TRDN: variants seen among roughly 807,000 people sequenced by gnomAD.
The protein encoded by TRDN is triadin.
A neutral mutation model predicts 149.7 loss-of-function variants in TRDN; 161 were observed. The ratio of observed to expected loss-of-function variants is 1.08; its 90% CI spans 0.95 to 1.23. The LOEUF is 1.23. TRDN is among the 50% of genes most tolerant of loss of function. TRDN has a pLI of 0.00. For missense variants in TRDN, 896 were observed against 823.5 expected, an observed-to-expected ratio of 1.09 and a Z score of -1.08; for synonymous variants, 294 against 250.5, an observed-to-expected ratio of 1.17 and a Z score of -1.64.
At chr6:123,522,427 A>G (rs1046148390) in intron 5 of TRDN, among the ~76,000 whole-genome samples, 1 of 70,184 alleles carries the variant, frequency 1.4e-5, no homozygotes, top group Non-Finnish European at 3.0e-5. Flanking sequence ...ACAATAAACA[A>G]ACAACTACAT....
chr6:123,316,353 T>C, intron 24 of TRDN, 104 bp downstream of exon 24: 1 of 1,070,056 alleles, frequency 9.3e-7, no homozygotes, highest in Non-Finnish European at 1.4e-6. Flanking sequence ...ATGTTTTGGA[T>C]GTCTAAATAT....
At chr6:123,258,650 C>A (rs1311684690) in intron 35 of TRDN, among the ~76,000 whole-genome samples, 2 of 150,220 alleles carry the variant, frequency 1.3e-5, no homozygotes, top group African/African-American at 2.4e-5. Context: ...GCTGGCCTCA[C>A]AAAATGAGTT....
At chr6:123,387,769 G>T (rs1781963147) in intron 14 of TRDN, among the ~76,000 whole-genome samples, 1 of 152,084 alleles carries the variant, frequency 6.6e-6, no homozygotes, top group African/African-American at 2.4e-5. Flanking sequence ...TGGATCCTGT[G>T]AATGATGATT....
chr6:123,506,148 C>T (rs1778912216), intron 7 of TRDN, among the ~76,000 whole-genome samples: 1 of 152,088 alleles, frequency 6.6e-6, no homozygotes, highest in African/African-American at 2.4e-5. Context: ...GTCAACAGCA[C>T]CTCAATCTCA....
chr6:123,563,874 C>T lies in TRDN; in HGVS notation c.232+7049G>A, dbSNP rs572893405. Among the ~76,000 whole-genome samples, 150 of 152,248 alleles carry T rather than the reference C, an allele frequency of 9.9e-4. No individual in the cohort carries two copies. The Middle Eastern group carries it at 0.031, about 31-fold the overall frequency. Reference sequence around the variant, plus strand: ...CCAGGCTGGAGTGCAGTGGCGCAAGCTCAACTCAGTACAACATCCGCCTGC... The same window carrying T: ...CCAGGCTGGAGTGCAGTGGCGCAAGTTCAACTCAGTACAACATCCGCCTGC... On this transcript the variant is annotated intron_variant, in intron 2 of 40. Transcript: ENST00000334268.
chr6:123,571,183 A>G, intron 1 of TRDN, 51 bp from the exon 2 acceptor site: 1 of 1,582,776 alleles, frequency 6.3e-7, no homozygotes, highest in South Asian at 1.1e-5. Context: ...CATGGTAAAT[A>G]TTGATGATGA....
chr6:123,378,610 C>T (rs945565448), intron 16 of TRDN, among the ~76,000 whole-genome samples: 5 of 152,122 alleles, frequency 3.3e-5, no homozygotes, highest in Admixed American at 6.5e-5. Flanking sequence ...AGCCACAGCA[C>T]CGCAGCTTAT....
At chr6:123,343,848 C>T (rs1172517737) in intron 21 of TRDN, among the ~76,000 whole-genome samples, 2 of 151,970 alleles carry the variant, frequency 1.3e-5, no homozygotes, top group Non-Finnish European at 2.9e-5. Context: ...ACAGACTGAA[C>T]GTGTCCCTTC....
chr6:123,448,276 TC>T (rs1775522863), intron 10 of TRDN, among the ~76,000 whole-genome samples: 1 of 152,086 alleles, frequency 6.6e-6, no homozygotes, highest in Non-Finnish European at 1.5e-5. Context: ...GTGTGCAGAC[TC>T]CACAGGCAGG....
At chr6:123,585,564 T>C (rs568574935) in intron 1 of TRDN, among the ~76,000 whole-genome samples, 2 of 152,174 alleles carry the variant, frequency 1.3e-5, no homozygotes, top group Non-Finnish European at 2.9e-5. Context: ...CTTCAGCCGC[T>C]AAGCCAAGAA....
chr6:123,604,560 A>G (rs1022509452), intron 1 of TRDN, among the ~76,000 whole-genome samples: 11 of 152,216 alleles, frequency 7.2e-5, no homozygotes, highest in Non-Finnish European at 1.5e-4. Context: ...AGCTGGGCAC[A>G]GTAGTTGGGG....
At chr6:123,240,427 T>C (rs1460765617) in intron 38 of TRDN, among the ~76,000 whole-genome samples, 1 of 151,854 alleles carries the variant, frequency 6.6e-6, no homozygotes, top group African/African-American at 2.4e-5. Flanking sequence ...TCTTTCTGTT[T>C]TTGATTTCAG....
intron 7 of TRDN, among the ~76,000 whole-genome samples, chr6:123,506,796 A>T (rs1315635207): frequency 6.6e-6 from 1 of 152,156 alleles, no homozygotes; most frequent in East Asian, 1.9e-4. Context: ...ATGCAAAAAA[A>T]TGGCTCTCCC....
intron 30 of TRDN, among the ~76,000 whole-genome samples, chr6:123,270,309 ATAAAC>A (rs1289917596): frequency 1.3e-5 from 2 of 152,010 alleles, no homozygotes. Flanking sequence ...CTTTCTACTT[ATAAAC>A]TAGTCTATAA....
intron 1 of TRDN, among the ~76,000 whole-genome samples, chr6:123,627,024 G>A (rs889614710): frequency 2.0e-5 from 3 of 151,870 alleles, no homozygotes; most frequent in Non-Finnish European, 2.9e-5. Flanking sequence ...CACCACCCGG[G>A]TTCAAGTAAT....
chr6:123,273,834 A>G lies in TRDN; in HGVS notation c.1598-471T>C, dbSNP rs1370339657. On this transcript the variant is annotated intron_variant, in intron 27 of 40. Coordinates refer to ENST00000334268, the MANE Select transcript of TRDN (RefSeq NM_006073.4). ...GAAGAAATAGCTACCATAGAGCCTG[A>G]GGGTTTTTTTGAACTTGCCTCAGGT... Among the ~76,000 whole-genome samples, 5 of 152,164 alleles carry G rather than the reference A, an allele frequency of 3.3e-5. No individual in the cohort carries two copies. The East Asian group carries it at 9.7e-4, about 29-fold the overall frequency.
chr6:123,553,578 G>C (rs951278317), intron 2 of TRDN, among the ~76,000 whole-genome samples: 1 of 152,120 alleles, frequency 6.6e-6, no homozygotes, highest in African/African-American at 2.4e-5. Context: ...TGCTGATAAA[G>C]ACACACCTGA....
At chr6:123,529,251 T>C in intron 5 of TRDN, 1 of 1,548,944 alleles carries the variant, frequency 6.5e-7, no homozygotes, top group South Asian at 1.2e-5. Context: ...AGTTCAGTCA[T>C]GGTTCGCTTA....
intron 12 of TRDN, among the ~76,000 whole-genome samples, chr6:123,426,920 AT>A (rs1774145074): frequency 6.6e-6 from 1 of 152,128 alleles, no homozygotes; most frequent in Non-Finnish European, 1.5e-5. Flanking sequence ...TTTCTAAAAA[AT>A]AACCACAATT....
Sources: allele counts gnomAD v4.1 joint callset (sites outside exome capture counted in the v4.1 genomes callset), GRCh38; gene constraint gnomAD v4.1.1; transcripts MANE v1.5; gene names NCBI Gene and HGNC (gene_info 2026-07-23, HGNC 2026-07-21).